Variants in NAA11 observed in about 807,000 individuals in gnomAD.
NAA11 encodes N-alpha-acetyltransferase 11, NatA catalytic subunit.
In NAA11, 15 loss-of-function variants were observed where a neutral mutation model predicts 16.1. The ratio of observed to expected loss-of-function variants is 0.93; its 90% CI spans 0.62 to 1.44. The LOEUF (loss-of-function observed/expected upper bound fraction) is 1.44. NAA11 is among the 40% of genes most tolerant of loss of function. The pLI, the probability that NAA11 is intolerant of heterozygous loss-of-function variation, is 0.00. For missense variants in NAA11, 298 were observed against 291.3 expected, an observed-to-expected ratio of 1.02 and a Z score of -0.17; for synonymous variants, 122 against 112.4, an observed-to-expected ratio of 1.09 and a Z score of -0.54.
chr4:79,224,112 CT>C (rs1721259475), downstream of NAA11, among the ~76,000 whole-genome samples: 1 of 152,062 alleles, frequency 6.6e-6, no homozygotes, highest in South Asian at 2.1e-4. Context: ...ATCTGGAAGT[CT>C]AAGAACCACA....
downstream of NAA11, among the ~76,000 whole-genome samples, chr4:79,312,272 T>TA (rs1224334326): frequency 6.6e-6 from 1 of 152,220 alleles, no homozygotes; most frequent in Non-Finnish European, 1.5e-5. Flanking sequence ...ACACTCTCGT[T>TA]AGAGTTCTGG....
chr4:79,171,921 G>A, the NAA11 span, among the ~76,000 whole-genome samples: 1 of 152,126 alleles, frequency 6.6e-6, no homozygotes, highest in Non-Finnish European at 1.5e-5. Flanking sequence ...GAGGAAAAGT[G>A]CCTAGCACAA....
rs538452701 is a variant in NAA11 at position 79,325,773 on chromosome 4, G to A, written c.105C>T (p.Gly35=). The change falls in exon 1 of 2, where the codon GGC becomes GGT. Residue 35 remains glycine (G), a synonymous_variant. Transcript: ENST00000286794. The part of the protein sequence containing the change: ...NYQMKYYLYH[G]LSWPQLSYIA... ...TGTAAGAAAGCTGGGGCCAGGAAAG[G>A]CCATGATATAAATAGTATTTCATCT... 6.1e-5 allele frequency: 99 copies of A among 1,614,234 alleles called. No individual in the cohort carries two copies. In the East Asian group the frequency reaches 1.1e-3, roughly 18 times the overall value.
chr4:79,188,743 G>GA, the NAA11 span, among the ~76,000 whole-genome samples: 1 of 152,052 alleles, frequency 6.6e-6, no homozygotes, highest in African/African-American at 2.4e-5. Context: ...ATAGTAGATT[G>GA]AGAAATATTT....
At chr4:79,315,202 A>C (rs1348367189), downstream of NAA11, among the ~76,000 whole-genome samples, 1 of 152,174 alleles carries the variant, frequency 6.6e-6, no homozygotes, top group Non-Finnish European at 1.5e-5. Flanking sequence ...ACTGAAAAAA[A>C]AAAAATCTGC....
rs577150330 is a variant in NAA11 at position 79,325,048 on chromosome 4, C to G, written c.*12+128G>C. On this transcript the variant is annotated intron_variant, in intron 1 of 1. Transcript: ENST00000286794. ...ACTCACTCTAACTTCTCCCTAAGGTCACCAGGTGGTTTTTACCGTAAAATC... is the reference window on the plus strand; with the variant it reads ...ACTCACTCTAACTTCTCCCTAAGGTGACCAGGTGGTTTTTACCGTAAAATC... 9.9e-5 allele frequency: 76 copies of G among 765,430 alleles called. No individual in the cohort carries two copies. The East Asian group carries it at 2.0e-3, about 20-fold the overall frequency. 47.4% of individuals were successfully genotyped at this position (765,430 alleles called of 1,614,324 possible). A position where few individuals can be genotyped will look rare whatever the true frequency, so the allele number is the denominator to read the frequency against.
At chr4:79,178,485 A>G in the NAA11 span, among the ~76,000 whole-genome samples, 1 of 152,212 alleles carries the variant, frequency 6.6e-6, no homozygotes, top group Non-Finnish European at 1.5e-5. Context: ...TACTTTGGAG[A>G]TATATATTAG....
downstream of NAA11, among the ~76,000 whole-genome samples, chr4:79,313,307 AT>A (rs1723833907): frequency 6.6e-6 from 1 of 152,178 alleles, no homozygotes; most frequent in African/African-American, 2.4e-5. Flanking sequence ...CACAAAAGTT[AT>A]TTTTATCTCT....
At chr4:79,179,766 A>G in the NAA11 span, among the ~76,000 whole-genome samples, 1 of 152,192 alleles carries the variant, frequency 6.6e-6, no homozygotes, top group Non-Finnish European at 1.5e-5. Flanking sequence ...AGTGTATTTC[A>G]TGGTTCTATT....
the NAA11 span, among the ~76,000 whole-genome samples, chr4:79,213,699 C>T: frequency 1.3e-5 from 2 of 151,926 alleles, no homozygotes; most frequent in Non-Finnish European, 2.9e-5. Context: ...AAACAAAATC[C>T]AGCTATTTAT....
At chr4:79,293,249 T>A (rs1007342584) in intron 2 of NAA11, among the ~76,000 whole-genome samples, 4 of 152,124 alleles carry the variant, frequency 2.6e-5, no homozygotes, top group African/African-American at 7.2e-5. Context: ...AGATATTTTT[T>A]AAAAATGGTT....
chr4:79,325,626 G>C lies in NAA11; in HGVS notation c.252C>G (p.Leu84=). ...SLAVKRSHRR[L]GLAQKLMDQA... is the part of the protein sequence containing the mutation. ...GGTCCATCAGCTTCTGGGCCAGGCC[G>C]AGGCGCCGGTGTGAACGCTTCACGG... Residue 84 remains leucine, a synonymous_variant, in exon 1 of 2, where the codon CTC becomes CTG. Coordinates refer to ENST00000286794, the MANE Select transcript of NAA11 (RefSeq NM_032693.3). 6.2e-7 allele frequency: 1 copy of C among 1,614,056 alleles called. No homozygotes were observed.
At chr4:79,303,120 A>ATATT (rs1205921012) in intron 1 of NAA11, among the ~76,000 whole-genome samples, 1 of 120,636 alleles carries the variant, frequency 8.3e-6, no homozygotes, top group African/African-American at 3.1e-5. Flanking sequence ...ATATATATAT[A>ATATT]TACCTCCCAA....
chr4:79,241,333 A>T (rs1721692103), intron 2 of NAA11, among the ~76,000 whole-genome samples: 1 of 152,240 alleles, frequency 6.6e-6, no homozygotes, highest in Non-Finnish European at 1.5e-5. Context: ...TACGTTACAT[A>T]ACTGTTAATG....
At chr4:79,168,005 A>G in the NAA11 span, among the ~76,000 whole-genome samples, 1 of 151,974 alleles carries the variant, frequency 6.6e-6, no homozygotes, top group Non-Finnish European at 1.5e-5. Flanking sequence ...ATTTCTCCTA[A>G]TGTGTCCCTC....
At position 79,229,119 on chromosome 4, in the gene NAA11, T is replaced by C. The variant is rs148790641; in HGVS notation, c.*123-2849A>G. 4.9e-3 allele frequency among the ~76,000 whole-genome samples: 748 copies of C among 152,158 alleles called. 5 individuals carry two copies. Among genetic ancestry groups the C allele is most frequent in the Non-Finnish European group, 5.4e-3 (367 of 67,948 alleles). ...TATATAAATTGCACTTTTGGTGTTA[T>C]ATGTAAGAAATCTTTGCCTAATCCA... On this transcript the variant is annotated intron_variant and NMD_transcript_variant, in intron 2 of 2. Coordinates refer to the NAA11 transcript ENST00000511542.
At chr4:79,314,852 C>T (rs1723881071), downstream of NAA11, among the ~76,000 whole-genome samples, 1 of 151,888 alleles carries the variant, frequency 6.6e-6, no homozygotes, top group Admixed American at 6.6e-5. Context: ...ATCAAAGCAT[C>T]CTAATAGATA....
intron 2 of NAA11, among the ~76,000 whole-genome samples, chr4:79,273,620 G>T (rs1194420584): frequency 6.6e-6 from 1 of 152,024 alleles, no homozygotes. Context: ...ATAAAACTAT[G>T]TGATAAAGTT....
chr4:79,240,110 C>G (rs1721658474), intron 2 of NAA11, among the ~76,000 whole-genome samples: 1 of 152,212 alleles, frequency 6.6e-6, no homozygotes, highest in Non-Finnish European at 1.5e-5. Flanking sequence ...TACAGATTTA[C>G]CTTTCCCACC....
Sources: gnomAD v4.1 joint callset for allele counts (sites outside exome capture counted in the v4.1 genomes callset) on GRCh38, gnomAD v4.1.1 for gene constraint, MANE v1.5 for transcripts, NCBI Gene and HGNC (gene_info 2026-07-23, HGNC 2026-07-21) for gene names.